The following SIK3 variants were observed in gnomAD, a reference collection of about 807,000 sequenced individuals.
SIK3 encodes SIK family kinase 3.
SIK3 carries 28 observed loss-of-function variants against 144.2 expected under a neutral mutation model. The ratio of observed to expected loss-of-function variants is 0.19; its 90% confidence interval spans 0.14 to 0.27. The LOEUF is 0.27. Among genes scored for constraint, SIK3 ranks in the 10% least tolerant of loss-of-function variants. The pLI is 1.00. For synonymous variants in SIK3, 686 were observed against 676.3 expected, an observed-to-expected ratio of 1.01 and a Z score of -0.22; for missense variants, 1,319 against 1,776.0, an observed-to-expected ratio of 0.74 and a Z score of 4.62.
intron 1 of SIK3, among the ~76,000 whole-genome samples, chr11:117,028,623 G>A (rs1000850015): frequency 4.0e-5 from 6 of 151,438 alleles, no homozygotes; most frequent in African/African-American, 1.2e-4. Context: ...ATAGAAGAAA[G>A]AAGCATGTCA....
At chr11:116,944,359 G>A (rs1395803618) in intron 3 of SIK3, among the ~76,000 whole-genome samples, 1 of 152,136 alleles carries the variant, frequency 6.6e-6, no homozygotes, top group Admixed American at 6.5e-5. Flanking sequence ...TATAGTCTCA[G>A]GGTAGAGGCT....
chr11:116,876,669 C>A (rs1273653232), intron 7 of SIK3, among the ~76,000 whole-genome samples: 10 of 152,198 alleles, frequency 6.6e-5, no homozygotes, highest in Admixed American at 6.5e-4. Flanking sequence ...AGCTGCAGAA[C>A]TGCAGGCTGT....
At chr11:117,009,207 T>C (rs1951161661) in intron 1 of SIK3, among the ~76,000 whole-genome samples, 1 of 140,084 alleles carries the variant, frequency 7.1e-6, no homozygotes, top group Non-Finnish European at 1.5e-5. Context: ...CACTCCAGCC[T>C]GGGCGACAGA....
chr11:116,988,945 A>G (rs1053503244), intron 1 of SIK3, among the ~76,000 whole-genome samples: 1 of 151,940 alleles, frequency 6.6e-6, no homozygotes, highest in African/African-American at 2.4e-5. Context: ...AAGAAAAAAC[A>G]AAACAAAACA....
At chr11:116,925,748 T>C (rs1947240795) in intron 4 of SIK3, among the ~76,000 whole-genome samples, 1 of 152,262 alleles carries the variant, frequency 6.6e-6, no homozygotes, top group Non-Finnish European at 1.5e-5. Flanking sequence ...TTGCCAGGCT[T>C]TTCCATGCCA....
Position 117,072,415 on chromosome 11 carries a change from AATAAC to A in SIK3, c.273+25723_273+25727del, listed in dbSNP as rs368189930. On this transcript the variant is annotated intron_variant, in intron 1 of 24. Transcript: ENST00000445177. The stretch of plus-strand genomic sequence containing the variant: ...AAAATAAAAATAAAAATAAAAATAA[AATAAC>A]ATGACTGTGTCCAAAAAGCATATTG... Among the ~76,000 whole-genome samples, 138 of 152,218 alleles carry A rather than the reference AATAAC, an allele frequency of 9.1e-4. No individual in the cohort carries two copies. The Middle Eastern group carries it at 0.014, about 15-fold the overall frequency.
At chr11:117,032,414 A>T (rs1952300612) in intron 1 of SIK3, among the ~76,000 whole-genome samples, 1 of 152,194 alleles carries the variant, frequency 6.6e-6, no homozygotes, top group African/African-American at 2.4e-5. Context: ...ATTTCTTTTG[A>T]TTGAACTGTT....
intron 1 of SIK3, among the ~76,000 whole-genome samples, chr11:116,962,862 A>C (rs1157833449): frequency 2.0e-5 from 3 of 152,144 alleles, no homozygotes; most frequent in African/African-American, 2.4e-5. Context: ...GGCTAAACAA[A>C]AGATATTAAA....
chr11:117,013,308 T>C (rs779757588), intron 1 of SIK3, among the ~76,000 whole-genome samples: 132 of 152,104 alleles, frequency 8.7e-4, no homozygotes, highest in Non-Finnish European at 2.2e-4. Context: ...CTGGCCAACA[T>C]GGTGAAACCT....
chr11:117,075,238 C>T (rs1268367214), intron 1 of SIK3, among the ~76,000 whole-genome samples: 2 of 152,186 alleles, frequency 1.3e-5, no homozygotes, highest in East Asian at 3.9e-4. Flanking sequence ...GTATTTCACT[C>T]TTCTTTAGCT....
intron 4 of SIK3, among the ~76,000 whole-genome samples, chr11:116,918,009 T>C (rs919089205): frequency 3.9e-5 from 6 of 152,210 alleles, no homozygotes; most frequent in African/African-American, 1.4e-4. Context: ...CTAGATATTA[T>C]ACAGATTAAG....
At chr11:116,891,372 T>C (rs1945098255) in intron 6 of SIK3, among the ~76,000 whole-genome samples, 3 of 152,212 alleles carry the variant, frequency 2.0e-5, no homozygotes, top group Admixed American at 2.0e-4. Flanking sequence ...TCTCAGCTAC[T>C]TGGGAGACTG....
At chr11:117,059,027 G>A (rs1953681324) in intron 1 of SIK3, among the ~76,000 whole-genome samples, 1 of 152,226 alleles carries the variant, frequency 6.6e-6, no homozygotes, top group South Asian at 2.1e-4. Flanking sequence ...AGACAATGGA[G>A]ATTTAAGGGG....
chr11:117,023,621 A>AAAAAAAAAAT (rs754624841), intron 1 of SIK3, among the ~76,000 whole-genome samples: 6 of 95,412 alleles, frequency 6.3e-5, no homozygotes, highest in African/African-American at 8.7e-5. Context: ...AAAAAAAAAA[A>AAAAAAAAAAT]ATATATATAT....
At chr11:116,975,095 G>A (rs575578493) in intron 1 of SIK3, among the ~76,000 whole-genome samples, 61 of 151,846 alleles carry the variant, frequency 4.0e-4, no homozygotes, top group African/African-American at 1.4e-3. Flanking sequence ...TAGCCCGAAC[G>A]AGGACATGAA....
At chr11:116,869,945 C>A (rs936902764) in intron 14 of SIK3, 6 of 445,456 alleles carry the variant, frequency 1.3e-5, no homozygotes, top group African/African-American at 8.2e-5. Context: ...CATGGCCAGA[C>A]TAGCTAGGAT....
chr11:117,048,442 C>CAA (rs1565592779), intron 1 of SIK3, among the ~76,000 whole-genome samples: 1 of 151,776 alleles, frequency 6.6e-6, no homozygotes, highest in African/African-American at 2.4e-5. Flanking sequence ...CGATCACCTG[C>CAA]GGTTGGGAGT....
At chr11:116,938,690 GTT>G (rs1948125389) in intron 3 of SIK3, among the ~76,000 whole-genome samples, 1 of 148,668 alleles carries the variant, frequency 6.7e-6, no homozygotes, top group Non-Finnish European at 1.5e-5. Context: ...TAGGAGAAAT[GTT>G]TGATTCCATG....
rs111480512 is a variant in SIK3 at position 116,991,247 on chromosome 11, A to C, written c.274-34183T>G. 7.7e-3 allele frequency among the ~76,000 whole-genome samples: 1,172 copies of C among 152,310 alleles called. 14 individuals are homozygous for C. Among genetic ancestry groups the C allele is most frequent in the African/African-American group, 0.024 (1,006 of 41,546 alleles). On this transcript the variant is annotated intron_variant, in intron 1 of 24. Transcript: ENST00000445177. Reference sequence around the variant, plus strand: ...CGGATCCAAGGTGGCCAGGAGTTTGAGACCAGCTGGCCAACATGGCAAAAC... The same window carrying C: ...CGGATCCAAGGTGGCCAGGAGTTTGCGACCAGCTGGCCAACATGGCAAAAC...
Sources: gnomAD v4.1 joint callset for allele counts (sites outside exome capture counted in the v4.1 genomes callset) on GRCh38, gnomAD v4.1.1 for gene constraint, MANE v1.5 for transcripts, NCBI Gene and HGNC (gene_info 2026-07-23, HGNC 2026-07-21) for gene names.